TET2: variants seen among roughly 807,000 people sequenced by gnomAD.
TET2 encodes tet methylcytosine dioxygenase 2, also known as methylcytosine dioxygenase TET2.
In TET2, 299 loss-of-function variants were observed where a neutral mutation model predicts 142.9. That is an observed-to-expected ratio of 2.09 (90% CI 1.90 to 2.30). The LOEUF is 2.30. TET2 is among the 30% of genes most tolerant of loss of function. TET2 has a pLI of 0.00. For missense variants in TET2, 2,418 were observed against 2,378.0 expected, an observed-to-expected ratio of 1.02 and a Z score of -0.35; for synonymous variants, 819 against 849.0, an observed-to-expected ratio of 0.96 and a Z score of 0.61.
At chr4:105,229,282 C>T (rs961923274) in intron 2 of TET2, among the ~76,000 whole-genome samples, 1 of 152,148 alleles carries the variant, frequency 6.6e-6, no homozygotes, top group Non-Finnish European at 1.5e-5. Flanking sequence ...GAAATAAAAA[C>T]ATCACTTTGT....
upstream of TET2, chr4:105,146,318 G>A: frequency 6.6e-6 from 1 of 152,656 alleles, no homozygotes; most frequent in Non-Finnish European, 1.5e-5. Context: ...CTCCCACCTC[G>A]CCCCCAACCT....
chr4:105,198,422 CA>C (rs1365282406), intron 2 of TET2, among the ~76,000 whole-genome samples: 1 of 152,100 alleles, frequency 6.6e-6, no homozygotes, highest in African/African-American at 2.4e-5. Context: ...GGAAAACTAT[CA>C]AAATATATTT....
upstream of TET2, chr4:105,146,699 C>T (rs1208886999): frequency 1.3e-5 from 2 of 152,068 alleles, no homozygotes; most frequent in African/African-American, 2.4e-5. Context: ...GTGGCAGCGG[C>T]GAGAGCTTGG....
chr4:105,242,922 A>T lies in TET2; in HGVS notation c.3589A>T (p.Lys1197Ter). Reference protein sequence around the residue: ...GKSSQGCPIAKWVVRRSSSEE... With the variant: ...GKSSQGCPIA ...AAGTTCTCAGGGATGTCCTATTGCTAAGTGGGTAAGTGTGACTTGATAAAG... is the reference window on the plus strand; with the variant it reads ...AAGTTCTCAGGGATGTCCTATTGCTTAGTGGGTAAGTGTGACTTGATAAAG... The change falls in exon 5 of 11, where the codon AAG becomes TAG. Residue 1197 changes from lysine to a stop codon, truncating the protein, a stop_gained. Transcript: ENST00000380013. LOFTEE classifies it high-confidence loss of function. The T allele has an allele frequency of 6.5e-7, 1 of 1,550,292 alleles. No homozygotes were observed. The highest frequency in any genetic ancestry group is 8.7e-7 in the Non-Finnish European group (1 of 1,145,906).
chr4:105,181,168 C>T (rs1255804328), intron 1 of TET2, among the ~76,000 whole-genome samples: 1 of 152,132 alleles, frequency 6.6e-6, no homozygotes, highest in Non-Finnish European at 1.5e-5. Flanking sequence ...GTCTACCTTT[C>T]TCAGCTACGA....
chr4:105,160,049 A>C (rs531230596), intron 1 of TET2, among the ~76,000 whole-genome samples: 1 of 152,334 alleles, frequency 6.6e-6, no homozygotes, highest in South Asian at 2.1e-4. Context: ...AAAAAGCAAG[A>C]GAATTCATGA....
At chr4:105,176,736 CA>C (rs1213028532) in intron 1 of TET2, among the ~76,000 whole-genome samples, 1 of 152,104 alleles carries the variant, frequency 6.6e-6, no homozygotes, top group Non-Finnish European at 1.5e-5. Flanking sequence ...AAAAACACAG[CA>C]CGATATTTTA....
At chr4:105,179,752 C>T (rs1017207916) in intron 1 of TET2, among the ~76,000 whole-genome samples, 1 of 152,152 alleles carries the variant, frequency 6.6e-6, no homozygotes, top group African/African-American at 2.4e-5. Flanking sequence ...GCATAAACCA[C>T]TAGAGTATTA....
At position 105,272,855 on chromosome 4, in the gene TET2, G is replaced by A; in HGVS notation, c.4474G>A (p.Glu1492Lys). 6.4e-7 allele frequency: 1 copy of A among 1,551,108 alleles called. No individual in the cohort carries two copies. Among genetic ancestry groups the A allele is most frequent in the Non-Finnish European group, 8.7e-7 (1 of 1,146,862 alleles). ...GAACAGCTCAAATAAAAATGAAAAG[G>A]AAAAGTCAGCCCCATCACGTACAAA... ...LENSSNKNEK[E>K]KSAPSRTKQT... is the part of the protein sequence containing the mutation. Residue 1492 changes from glutamate (E) to lysine (K), a missense_variant, in exon 10 of 11, where the codon GAA becomes AAA. Physicochemically the swap from Glu to Lys is moderately conservative, Grantham distance 56. Coordinates refer to ENST00000380013, the MANE Select transcript of TET2 (RefSeq NM_001127208.3).
At chr4:105,156,031 C>G (rs1723550212) in intron 1 of TET2, among the ~76,000 whole-genome samples, 1 of 152,094 alleles carries the variant, frequency 6.6e-6, no homozygotes, top group African/African-American at 2.4e-5. Flanking sequence ...CTTGTCTTCA[C>G]TCTCTCTTGT....
At chr4:105,196,199 C>G (rs1327331379) in intron 2 of TET2, among the ~76,000 whole-genome samples, 1 of 151,054 alleles carries the variant, frequency 6.6e-6, no homozygotes, top group Non-Finnish European at 1.5e-5. Flanking sequence ...TTCAAAGTAC[C>G]TCTGTATGCC....
intron 2 of TET2, among the ~76,000 whole-genome samples, chr4:105,200,282 C>G (rs1441043360): frequency 5.9e-5 from 9 of 152,064 alleles, no homozygotes; most frequent in Non-Finnish European, 1.2e-4. Context: ...TTGCATTTCT[C>G]TAATGATCAG....
rs2110256015 is a variant in TET2 at position 105,243,758 on chromosome 4, C to G, written c.3783C>G (p.Arg1261=). The G allele has an allele frequency of 6.4e-7, 1 of 1,551,468 alleles. No homozygotes were observed. Among genetic ancestry groups the G allele is most frequent in the East Asian group, 2.4e-5 (1 of 40,920 alleles). ...GGAAATACGGCACGCTCACCAATCG[C>G]CGGTGTGCCTTGAATGAAGAGTAAG... The part of the protein sequence containing the change: ...TLRKYGTLTN[R]RCALNEERTC... Residue 1261 remains arginine, a synonymous_variant, in exon 6 of 11, where the codon CGC becomes CGG. Transcript: ENST00000380013.
At chr4:105,203,843 G>C (rs1419525153) in intron 2 of TET2, among the ~76,000 whole-genome samples, 1 of 152,004 alleles carries the variant, frequency 6.6e-6, no homozygotes, top group African/African-American at 2.4e-5. Context: ...CAAACTCTTC[G>C]AGGCAAATTT....
intron 2 of TET2, among the ~76,000 whole-genome samples, chr4:105,200,388 A>T (rs1726381528): frequency 6.6e-6 from 1 of 151,404 alleles, no homozygotes. Context: ...TTCAATGGGG[A>T]TGTTTGTTTG....
At chr4:105,221,780 T>G (rs928114559) in intron 2 of TET2, among the ~76,000 whole-genome samples, 3 of 151,980 alleles carry the variant, frequency 2.0e-5, no homozygotes, top group Non-Finnish European at 4.4e-5. Context: ...TAGTTACATA[T>G]GTATACATGT....
chr4:105,202,063 C>A (rs1726512320), intron 2 of TET2, among the ~76,000 whole-genome samples: 1 of 151,930 alleles, frequency 6.6e-6, no homozygotes, highest in South Asian at 2.1e-4. Flanking sequence ...CTTTAGATTA[C>A]CAACTTCTGT....
intron 5 of TET2, 57 bp from the exon 6 acceptor site, chr4:105,243,513 C>CTTGTT: frequency 2.0e-6 from 3 of 1,487,664 alleles, no homozygotes; most frequent in Non-Finnish European, 2.8e-6. Flanking sequence ...GCAAGTGACC[C>CTTGTT]TTGTTTTGTT....
intron 1 of TET2, chr4:105,171,579 T>C (rs2110417250): frequency 6.6e-6 from 1 of 152,336 alleles, no homozygotes; most frequent in South Asian, 2.1e-4. Flanking sequence ...ACCAGTAGTG[T>C]AACTTACTGA....
Sources: allele counts gnomAD v4.1 joint callset (sites outside exome capture counted in the v4.1 genomes callset), GRCh38; gene constraint gnomAD v4.1.1; transcripts MANE v1.5; gene names NCBI Gene and HGNC (gene_info 2026-07-23, HGNC 2026-07-21).